Variants in JMJD1C observed in about 807,000 individuals in gnomAD.
The protein encoded by JMJD1C is jumonji domain containing 1C.
JMJD1C carries 31 observed loss-of-function variants against 245.3 expected under a neutral mutation model. The observed-to-expected ratio is 0.13, with a 90% CI of 0.09 to 0.17. JMJD1C has a LOEUF of 0.17. Among genes scored for constraint, JMJD1C ranks in the 10% least tolerant of loss-of-function variants. JMJD1C has a pLI of 1.00. For missense variants in JMJD1C, 2,691 were observed against 3,000.2 expected (o/e 0.90, Z 2.41); for synonymous variants, 1,057 against 1,017.4 (o/e 1.04, Z -0.74).
chr10:63,180,279 G>A (rs1843317404), intron 22 of JMJD1C, among the ~76,000 whole-genome samples: 2 of 152,340 alleles, frequency 1.3e-5, no homozygotes, highest in Non-Finnish European at 1.5e-5. Flanking sequence ...CCAAAGTGCT[G>A]GGATTACAGG....
intron 3 of JMJD1C, chr10:63,222,663 A>AG: frequency 6.5e-7 from 1 of 1,537,470 alleles, no homozygotes; most frequent in South Asian, 1.1e-5. Flanking sequence ...CGGTGTGTAG[A>AG]GGGAGTGGTG....
At chr10:63,181,798 GAACA>G (rs1472885634) in intron 22 of JMJD1C, among the ~76,000 whole-genome samples, 1 of 152,132 alleles carries the variant, frequency 6.6e-6, no homozygotes, top group Non-Finnish European at 1.5e-5. Context: ...GGAAAGATCT[GAACA>G]AACTACAATG....
At chr10:63,481,909 A>T (rs1953842518) in intron 1 of JMJD1C, among the ~76,000 whole-genome samples, 1 of 152,170 alleles carries the variant, frequency 6.6e-6, no homozygotes, top group South Asian at 2.1e-4. Context: ...AGCTGCATGG[A>T]GAGGGAGGGA....
chr10:63,266,502 T>C (rs915464438), intron 2 of JMJD1C, among the ~76,000 whole-genome samples: 2 of 152,136 alleles, frequency 1.3e-5, no homozygotes, highest in Non-Finnish European at 2.9e-5. Context: ...CCAATTGACA[T>C]GAAATATGTA....
chr10:63,442,714 A>G (rs984983553), intron 1 of JMJD1C, among the ~76,000 whole-genome samples: 4 of 152,202 alleles, frequency 2.6e-5, no homozygotes, highest in Non-Finnish European at 5.9e-5. Flanking sequence ...ACTCTTACCC[A>G]TCCTTTATAT....
At chr10:63,484,005 T>C (rs536972373) in intron 1 of JMJD1C, among the ~76,000 whole-genome samples, 2 of 152,320 alleles carry the variant, frequency 1.3e-5, no homozygotes, top group East Asian at 3.9e-4. Flanking sequence ...TCTGAATACA[T>C]ATTATCTCTA....
chr10:63,512,365 A>C (rs1156984534), intron 1 of JMJD1C, among the ~76,000 whole-genome samples: 1 of 152,034 alleles, frequency 6.6e-6, no homozygotes, highest in Non-Finnish European at 1.5e-5. Flanking sequence ...TCTTTTATAC[A>C]TATTTCTTAC....
intron 3 of JMJD1C, among the ~76,000 whole-genome samples, chr10:63,235,746 C>CA (rs1026936261): frequency 5.2e-4 from 79 of 152,246 alleles, no homozygotes; most frequent in African/African-American, 1.9e-3. Flanking sequence ...AGCTAGAAGG[C>CA]AAATCAGCAA....
intron 2 of JMJD1C, among the ~76,000 whole-genome samples, chr10:63,322,609 T>C (rs1317470552): frequency 6.6e-6 from 1 of 151,944 alleles, no homozygotes; most frequent in Non-Finnish European, 1.5e-5. Flanking sequence ...GGTCTGGAGT[T>C]CAAGACCAGC....
chr10:63,515,064 G>A (rs1291436414), intron 1 of JMJD1C, among the ~76,000 whole-genome samples: 10 of 152,118 alleles, frequency 6.6e-5, no homozygotes, highest in African/African-American at 2.2e-4. Context: ...TGGTGAGCCC[G>A]TGCCTCTAGA....
intron 10 of JMJD1C, chr10:63,204,685 C>T (rs914647103): frequency 1.0e-6 from 1 of 985,300 alleles, no homozygotes; most frequent in Non-Finnish European, 1.2e-6. Context: ...AAGTAAATGG[C>T]AGGTATCCTT....
At chr10:63,315,779 G>T (rs530256721) in intron 2 of JMJD1C, among the ~76,000 whole-genome samples, 13 of 148,312 alleles carry the variant, frequency 8.8e-5, no homozygotes, top group Admixed American at 7.5e-4. Context: ...GGCAGAGGTT[G>T]CAGTGACCCA....
chr10:63,458,714 T>TC (rs1265816199), intron 1 of JMJD1C, among the ~76,000 whole-genome samples: 2 of 3,594 alleles, frequency 5.6e-4, no homozygotes, highest in African/African-American at 9.0e-4. Flanking sequence ...TAAATATAGC[T>TC]TTTTTTTTAT....
chr10:63,207,294 C>T lies in JMJD1C; in HGVS notation c.4375G>A (p.Ala1459Thr), dbSNP rs1846745339. The T allele has an allele frequency of 2.5e-6, 4 of 1,613,718 alleles. No homozygotes were observed. Among genetic ancestry groups the T allele is most frequent in the Non-Finnish European group, 3.4e-6 (4 of 1,180,026 alleles). The change falls in exon 10 of 26, where the codon GCC (alanine) becomes ACC (threonine). Residue 1459 changes from alanine to threonine, a missense_variant. Physicochemically the swap from Ala to Thr is moderately conservative, Grantham distance 58. Coordinates refer to ENST00000399262, the MANE Select transcript of JMJD1C (RefSeq NM_032776.3). ...ACAACACTTCCTGTCTTACTACTGG[C>T]TAATGTAACTGGTGCTGTGGTGCTG... The part of the protein sequence containing the change: ...KVSTTAPVTL[A>T]SSKTGSVVQP...
chr10:63,244,820 G>C (rs1240692087), intron 3 of JMJD1C, among the ~76,000 whole-genome samples: 4 of 146,460 alleles, frequency 2.7e-5, no homozygotes, highest in South Asian at 4.5e-4. Flanking sequence ...AAAAAAAAGG[G>C]GGGGGGAGGG....
chr10:63,442,247 C>A (rs1404520136), intron 1 of JMJD1C, among the ~76,000 whole-genome samples: 3 of 152,038 alleles, frequency 2.0e-5, no homozygotes, highest in African/African-American at 7.3e-5. Context: ...AGAAAAAACG[C>A]CAACAATTTT....
chr10:63,461,503 T>C (rs945454768), intron 1 of JMJD1C, among the ~76,000 whole-genome samples: 1 of 152,158 alleles, frequency 6.6e-6, no homozygotes, highest in Admixed American at 6.6e-5. Flanking sequence ...AGGGGTTTTA[T>C]TTATATGCGA....
intron 1 of JMJD1C, among the ~76,000 whole-genome samples, chr10:63,452,743 AGAAGT>A (rs773553842): frequency 1.3e-5 from 2 of 152,212 alleles, no homozygotes; most frequent in Non-Finnish European, 2.9e-5. Context: ...GCCATAAAAA[AGAAGT>A]GAAGTTATGA....
chr10:63,180,831 G>C (rs1055356573), intron 22 of JMJD1C, among the ~76,000 whole-genome samples: 7 of 150,562 alleles, frequency 4.6e-5, no homozygotes, highest in South Asian at 2.1e-4. Flanking sequence ...TGCAGTGGCG[G>C]GATCTCGGCT....
Sources: allele counts gnomAD v4.1 joint callset (sites outside exome capture counted in the v4.1 genomes callset), GRCh38; gene constraint gnomAD v4.1.1; transcripts MANE v1.5; gene names NCBI Gene and HGNC (gene_info 2026-07-23, HGNC 2026-07-21).